Variants in FAM222B observed in about 807,000 individuals in gnomAD.
The protein encoded by FAM222B is protein FAM222B.
A neutral mutation model predicts 38.0 loss-of-function variants in FAM222B; 12 were observed. The ratio of observed to expected loss-of-function variants is 0.32; its 90% CI spans 0.20 to 0.51. FAM222B has a LOEUF of 0.51. Ranked by LOEUF, FAM222B falls within the 20% of genes least tolerant of loss-of-function variation. The probability of loss-of-function intolerance (pLI) is 0.97; values close to 1 mark genes in which losing one functional copy is unlikely to be tolerated. For missense variants in FAM222B, 716 were observed against 754.2 expected, an observed-to-expected ratio of 0.95 and a Z score of 0.59; for synonymous variants, 329 against 317.2, an observed-to-expected ratio of 1.04 and a Z score of -0.40.
At chr17:28,826,163 G>A (rs759455003) in intron 1 of FAM222B, among the ~76,000 whole-genome samples, 17 of 151,892 alleles carry the variant, frequency 1.1e-4, no homozygotes, top group South Asian at 4.2e-4. Flanking sequence ...TCTGCCTGCC[G>A]GTTCAAGCGA....
chr17:28,786,942 T>G (rs2036441656), intron 1 of FAM222B, among the ~76,000 whole-genome samples: 1 of 132,110 alleles, frequency 7.6e-6, no homozygotes, highest in Admixed American at 9.1e-5. Flanking sequence ...TCTCGCTCTG[T>G]CGCCCAGCCT....
At chr17:28,784,528 A>C (rs2036310085) in intron 1 of FAM222B, among the ~76,000 whole-genome samples, 1 of 139,284 alleles carries the variant, frequency 7.2e-6, no homozygotes, top group Non-Finnish European at 1.5e-5. Flanking sequence ...AAAAAAAAAA[A>C]AAAGGCAATA....
At chr17:28,762,550 C>A (rs1269563719) in intron 2 of FAM222B, among the ~76,000 whole-genome samples, 2 of 150,918 alleles carry the variant, frequency 1.3e-5, no homozygotes, top group Admixed American at 6.6e-5. Context: ...TTGCTTGAAC[C>A]CGGCAGGTGG....
intron 1 of FAM222B, among the ~76,000 whole-genome samples, chr17:28,814,749 G>A (rs1428471412): frequency 6.6e-6 from 1 of 150,876 alleles, no homozygotes; most frequent in Non-Finnish European, 1.5e-5. Flanking sequence ...TTACAGGCAT[G>A]AGCCAACGTG....
intron 2 of FAM222B, among the ~76,000 whole-genome samples, chr17:28,762,389 A>G (rs1382867065): frequency 2.0e-5 from 3 of 152,020 alleles, no homozygotes; most frequent in Admixed American, 2.0e-4. Flanking sequence ...GCACTTTGGG[A>G]GGCCGAGGCG....
chr17:28,801,451 C>CAAAAAAAA (rs766189732), intron 1 of FAM222B, among the ~76,000 whole-genome samples: 1 of 90,322 alleles, frequency 1.1e-5, no homozygotes, highest in Non-Finnish European at 2.3e-5. Flanking sequence ...GACTCCGTCT[C>CAAAAAAAA]AAAAAAAAAA....
chr17:28,802,909 C>A (rs1355144518), intron 1 of FAM222B: 3 of 152,224 alleles, frequency 2.0e-5, no homozygotes, highest in Non-Finnish European at 2.9e-5. Flanking sequence ...ACTGACTATT[C>A]TAAATGGATT....
Position 28,836,032 on chromosome 17 carries a change from C to T in FAM222B, c.-41+6650G>A, listed in dbSNP as rs973096549. On this transcript the variant is annotated intron_variant, in intron 1 of 2. Transcript: ENST00000581407. Reference sequence around the variant, plus strand: ...TCAGAGTCTCCCTCTTGTTGTTGCCCGGGCTGGAGTGCAGTGGCATGATCT... The same window carrying T: ...TCAGAGTCTCCCTCTTGTTGTTGCCTGGGCTGGAGTGCAGTGGCATGATCT... 3.3e-5 allele frequency among the ~76,000 whole-genome samples: 5 copies of T among 151,600 alleles called. No homozygotes were observed. In the South Asian group the frequency reaches 6.3e-4, roughly 19 times the overall value.
At chr17:28,800,849 T>G (rs2037181181) in intron 1 of FAM222B, among the ~76,000 whole-genome samples, 1 of 134,988 alleles carries the variant, frequency 7.4e-6, no homozygotes, top group Non-Finnish European at 1.6e-5. Context: ...TTCCACATTT[T>G]GTTGAAAAAA....
chr17:28,832,077 C>A (rs1048686317), intron 1 of FAM222B, among the ~76,000 whole-genome samples: 3 of 152,092 alleles, frequency 2.0e-5, no homozygotes, highest in Admixed American at 2.0e-4. Flanking sequence ...GTAGTCCCAG[C>A]AACTCAGGAG....
At chr17:28,842,339 T>C (rs780962050) in intron 1 of FAM222B, among the ~76,000 whole-genome samples, 1 of 152,036 alleles carries the variant, frequency 6.6e-6, no homozygotes, top group Non-Finnish European at 1.5e-5. Context: ...GGTGGCTTCT[T>C]AAGCTCCAGC....
At chr17:28,830,084 C>G (rs1250942166) in intron 1 of FAM222B, among the ~76,000 whole-genome samples, 1 of 151,300 alleles carries the variant, frequency 6.6e-6, no homozygotes, top group African/African-American at 2.4e-5. Flanking sequence ...CTCCTGACCT[C>G]GTGATCCACC....
At chr17:28,838,188 CAGG>C (rs979502596) in intron 1 of FAM222B, among the ~76,000 whole-genome samples, 1 of 151,964 alleles carries the variant, frequency 6.6e-6, no homozygotes, top group Admixed American at 6.6e-5. Context: ...CTGCTTGAAG[CAGG>C]AGAACTGCTT....
rs771604623 is a variant in FAM222B, at chr17:28,759,113, G to A, written c.846C>T (p.Ile282=). The A allele has an allele frequency of 4.4e-5, 71 of 1,611,592 alleles. No individual in the cohort carries two copies. The highest frequency in any genetic ancestry group is 5.3e-5 in the Non-Finnish European group (63 of 1,178,994). ...GGCCCTCACACACTGAGGTAGTGCTGATGCCTGCCCTCGTCTGGCAAAACT... is the reference window on the plus strand; with the variant it reads ...GGCCCTCACACACTGAGGTAGTGCTAATGCCTGCCCTCGTCTGGCAAAACT... The part of the protein sequence containing the change: ...INQFCQTRAG[I]STTSVCEGQI... Residue 282 remains isoleucine (I), a synonymous_variant, in exon 3 of 3, where the codon ATC becomes ATT. Transcript: ENST00000581407. This position sits in a 1 kb window ranked among gnomAD's most constrained non-coding sequence, Gnocchi z 4.8.
chr17:28,850,292 A>G (rs1294284527), intron 1 of FAM222B, among the ~76,000 whole-genome samples: 1 of 151,568 alleles, frequency 6.6e-6, no homozygotes, highest in African/African-American at 2.4e-5. Flanking sequence ...ACCCTTGGCC[A>G]TATGAGTTTC....
At position 28,799,119 on chromosome 17, in the gene FAM222B, C is replaced by T. The variant is rs138629960; in HGVS notation, c.-40-32412G>A. 3.2e-3 allele frequency among the ~76,000 whole-genome samples: 487 copies of T among 151,222 alleles called. 2 individuals are homozygous for T. Among genetic ancestry groups the T allele is most frequent in the Middle Eastern group, 6.9e-3 (2 of 290 alleles). ...CCTCCCAAGTAGCTGGGACTACAGG[C>T]GCACACCACCATGCCCAGCTAATTG... is the stretch of plus-strand genomic sequence containing the variant. On this transcript the variant is annotated intron_variant, in intron 1 of 2. Coordinates refer to ENST00000581407, the MANE Select transcript of FAM222B (RefSeq NM_001077498.3).
At chr17:28,831,937 C>A (rs1217318116) in intron 1 of FAM222B, among the ~76,000 whole-genome samples, 4 of 152,164 alleles carry the variant, frequency 2.6e-5, no homozygotes, top group African/African-American at 9.7e-5. Flanking sequence ...CGCCTGTAAT[C>A]CCAGCACTTT....
Position 28,792,311 on chromosome 17 carries a change from C to CAAA in FAM222B, c.-40-25607_-40-25605dup, listed in dbSNP as rs71135853. On this transcript the variant is annotated intron_variant, in intron 1 of 2. Transcript: ENST00000581407. ...TGGGCGACCCAGCAAGACTCTGTCT[C>CAAA]AAAAAAAAAAAAAAAAAAAATTAGC... 9.1e-5 allele frequency among the ~76,000 whole-genome samples: 10 copies of CAAA among 110,154 alleles called. No homozygotes were observed. In the South Asian group the frequency reaches 9.4e-4, roughly 10 times the overall value. 72.3% of individuals were successfully genotyped at this position (110,154 alleles called of 152,430 possible). A position where few individuals can be genotyped will look rare whatever the true frequency, so the allele number is the denominator to read the frequency against.
Position 28,758,015 on chromosome 17 carries a change from G to A in FAM222B, c.*255C>T, listed in dbSNP as rs2034791266. ...TGGCTGGAAATGGCCAAGGTGGAGA[G>A]ACTAGCTGACAGGCAGTCAGTGGAG... On this transcript the variant is annotated 3_prime_UTR_variant, in exon 3 of 3. Transcript: ENST00000581407. 4 of 397,172 alleles carry A rather than the reference G, an allele frequency of 1.0e-5. No homozygotes were observed. In the Admixed American group the frequency reaches 1.7e-4, roughly 17 times the overall value. 24.6% of individuals were successfully genotyped at this position (397,172 alleles called of 1,614,324 possible).
Sources: allele counts gnomAD v4.1 joint callset (sites outside exome capture counted in the v4.1 genomes callset), GRCh38; gene constraint gnomAD v4.1.1; non-coding constraint Gnocchi (gnomAD v3.1); transcripts MANE v1.5; gene names NCBI Gene and HGNC (gene_info 2026-07-23, HGNC 2026-07-21).